DCDC1: variants seen among roughly 807,000 people sequenced by gnomAD.
DCDC1 encodes doublecortin domain containing 1.
In DCDC1, 200 loss-of-function variants were observed where a neutral mutation model predicts 178.3. The observed-to-expected ratio is 1.12, with a 90% CI of 1.00 to 1.26. The LOEUF is 1.26. Among genes scored for constraint, DCDC1 ranks in the 50% most tolerant of loss-of-function variants. The pLI, the probability that DCDC1 is intolerant of heterozygous loss-of-function variation, is 0.00. For synonymous variants in DCDC1, 690 were observed against 604.8 expected (o/e 1.14, Z -2.07); for missense variants, 1,983 against 1,749.2 (o/e 1.13, Z -2.38).
At chr11:31,027,722 G>A (rs1447382412) in intron 20 of DCDC1, among the ~76,000 whole-genome samples, 1 of 151,838 alleles carries the variant, frequency 6.6e-6, no homozygotes, top group Non-Finnish European at 1.5e-5. Context: ...TTTTGACTCA[G>A]TTGGCATAAA....
chr11:31,280,934 C>T (rs1440472293), intron 7 of DCDC1: 5 of 638,150 alleles, frequency 7.8e-6, no homozygotes, highest in Admixed American at 3.7e-5. Flanking sequence ...CACGGTGTGG[C>T]ACTGGGCACA....
intron 20 of DCDC1, among the ~76,000 whole-genome samples, chr11:31,055,218 C>A (rs1387207519): frequency 1.3e-5 from 2 of 151,950 alleles, no homozygotes; most frequent in East Asian, 1.9e-4. Context: ...AAATGGCCAA[C>A]AAACATATGA....
At chr11:31,075,932 T>A (rs1331294306) in intron 18 of DCDC1, among the ~76,000 whole-genome samples, 1 of 152,210 alleles carries the variant, frequency 6.6e-6, no homozygotes. Context: ...CGATCTTGAC[T>A]CACCACAACC....
At chr11:30,880,842 A>G (rs546413628) in intron 37 of DCDC1, among the ~76,000 whole-genome samples, 1 of 152,200 alleles carries the variant, frequency 6.6e-6, no homozygotes, top group Non-Finnish European at 1.5e-5. Flanking sequence ...AAAATAGGAA[A>G]TTAGTGGAGC....
At chr11:30,877,053 T>C (rs1388941104) in intron 38 of DCDC1, among the ~76,000 whole-genome samples, 1 of 152,170 alleles carries the variant, frequency 6.6e-6, no homozygotes, top group East Asian at 1.9e-4. Flanking sequence ...AAAATGTCTG[T>C]AAAAGGGCAA....
chr11:31,268,268 T>C (rs568813324), intron 7 of DCDC1, among the ~76,000 whole-genome samples: 2 of 152,338 alleles, frequency 1.3e-5, no homozygotes, highest in South Asian at 4.1e-4. Flanking sequence ...AGTAAAACTA[T>C]AATCTACTTG....
At chr11:31,315,645 C>A (rs1462807157) in intron 3 of DCDC1, among the ~76,000 whole-genome samples, 2 of 104,182 alleles carry the variant, frequency 1.9e-5, no homozygotes, top group South Asian at 2.9e-4. Context: ...CATCTGCATA[C>A]CTTTTTTTTT....
intron 20 of DCDC1, among the ~76,000 whole-genome samples, chr11:31,050,219 A>G (rs1955150756): frequency 6.6e-6 from 1 of 152,040 alleles, no homozygotes; most frequent in South Asian, 2.1e-4. Flanking sequence ...GGTGAGGCCT[A>G]TGACTGCCCG....
intron 16 of DCDC1, among the ~76,000 whole-genome samples, chr11:31,093,082 T>C (rs1408052682): frequency 6.6e-6 from 1 of 152,204 alleles, no homozygotes; most frequent in Non-Finnish European, 1.5e-5. Flanking sequence ...GATGTTATTA[T>C]TATTAAATCA....
chr11:30,964,028 T>A (rs1053525338), intron 20 of DCDC1, among the ~76,000 whole-genome samples: 6 of 152,162 alleles, frequency 3.9e-5, no homozygotes, highest in Non-Finnish European at 8.8e-5. Flanking sequence ...CAAGGAACAC[T>A]CCTATAGGCA....
intron 11 of DCDC1, among the ~76,000 whole-genome samples, chr11:31,121,134 T>A (rs554897656): frequency 6.6e-6 from 1 of 152,178 alleles, no homozygotes; most frequent in South Asian, 2.1e-4. Flanking sequence ...TAACCACTGA[T>A]GGTAAAAACA....
intron 20 of DCDC1, among the ~76,000 whole-genome samples, chr11:30,967,483 A>C (rs1455190356): frequency 6.6e-6 from 1 of 152,208 alleles, no homozygotes; most frequent in Non-Finnish European, 1.5e-5. Context: ...ATCAATGTAC[A>C]AAAATCACAA....
intron 20 of DCDC1, among the ~76,000 whole-genome samples, chr11:30,991,179 A>G (rs867201184): frequency 6.6e-4 from 100 of 152,252 alleles, no homozygotes; most frequent in African/African-American, 2.4e-3. Context: ...CCAAGACCTC[A>G]AGAGCAGACA....
intron 9 of DCDC1, among the ~76,000 whole-genome samples, chr11:31,200,971 AG>A (rs1971228863): frequency 6.6e-6 from 1 of 151,778 alleles, no homozygotes; most frequent in African/African-American, 2.4e-5. Context: ...AAAATCTTCT[AG>A]CCCCCAAATC....
At chr11:31,130,584 T>C (rs1391686403) in intron 10 of DCDC1, among the ~76,000 whole-genome samples, 1 of 152,184 alleles carries the variant, frequency 6.6e-6, no homozygotes, top group East Asian at 1.9e-4. Flanking sequence ...AATACTTGTT[T>C]TAAGTCACTC....
chr11:31,024,844 T>C (rs141817774), intron 20 of DCDC1, among the ~76,000 whole-genome samples: 2 of 152,080 alleles, frequency 1.3e-5, no homozygotes, highest in African/African-American at 2.4e-5. Context: ...TAATATTTCA[T>C]TGAATAGATG....
At chr11:31,290,516 T>C (rs1291264037) in intron 7 of DCDC1, 131 bp downstream of exon 7, 1 of 963,458 alleles carries the variant, frequency 1.0e-6, no homozygotes, top group African/African-American at 1.7e-5. Flanking sequence ...ACAGAATTTT[T>C]TAGTTCTATA....
intron 9 of DCDC1, among the ~76,000 whole-genome samples, chr11:31,204,479 A>G (rs996519032): frequency 3.3e-5 from 5 of 152,214 alleles, no homozygotes; most frequent in Non-Finnish European, 7.3e-5. Flanking sequence ...GAATTCCAAT[A>G]TCACAATATC....
chr11:31,183,157 A>G (rs1023960049), intron 9 of DCDC1, among the ~76,000 whole-genome samples: 2 of 152,180 alleles, frequency 1.3e-5, no homozygotes, highest in African/African-American at 4.8e-5. Flanking sequence ...ATAGTGAGAG[A>G]TTTAACACCC....
Sources: allele counts gnomAD v4.1 joint callset (sites outside exome capture counted in the v4.1 genomes callset), GRCh38; gene constraint gnomAD v4.1.1; transcripts MANE v1.5; gene names NCBI Gene and HGNC (gene_info 2026-07-23, HGNC 2026-07-21).